Variants in RPE65 observed in about 807,000 individuals in gnomAD.
RPE65 encodes the protein retinoid isomerohydrolase RPE65.
A neutral mutation model predicts 68.5 loss-of-function variants in RPE65; 58 were observed. The observed-to-expected ratio is 0.85, with a 90% CI of 0.69 to 1.05. The LOEUF (loss-of-function observed/expected upper bound fraction) is 1.05. Ranked by LOEUF, RPE65 falls within the 50% of genes least tolerant of loss-of-function variation. The probability of loss-of-function intolerance (pLI) is 0.00; values close to 1 mark genes in which losing one functional copy is unlikely to be tolerated. For missense variants in RPE65, 643 were observed against 629.9 expected, an observed-to-expected ratio of 1.02 and a Z score of -0.22; for synonymous variants, 220 against 222.2, an observed-to-expected ratio of 0.99 and a Z score of 0.09.
At chr1:68,444,446 C>T (rs2100827225) in intron 5 of RPE65, 85 bp downstream of exon 5, 2 of 1,525,664 alleles carry the variant, frequency 1.3e-6, no homozygotes, top group South Asian at 1.1e-5. Flanking sequence ...TAGAATCATA[C>T]ATTCGCAGCA....
chr1:68,448,571 A>G (rs1645958850), intron 2 of RPE65, 53 bp downstream of exon 2: 4 of 1,533,148 alleles, frequency 2.6e-6, no homozygotes, highest in Admixed American at 1.7e-5. Flanking sequence ...ATAGGAAGCC[A>G]GAGAAGAGAG....
intron 5 of RPE65, 142 bp downstream of exon 5, chr1:68,444,389 A>T: frequency 9.6e-7 from 1 of 1,040,136 alleles, no homozygotes; most frequent in Non-Finnish European, 1.5e-6. Context: ...CAATCAGTGC[A>T]GTCCATTTGG....
intron 10 of RPE65, among the ~76,000 whole-genome samples, chr1:68,433,503 T>C (rs761693617): frequency 5.3e-5 from 8 of 152,166 alleles, no homozygotes; most frequent in Non-Finnish European, 1.2e-4. Flanking sequence ...GGCAAGTCTA[T>C]GGTTCCTTTC....
At chr1:68,443,906 C>T (rs537681592) in intron 5 of RPE65, among the ~76,000 whole-genome samples, 98 of 152,254 alleles carry the variant, frequency 6.4e-4, no homozygotes, top group African/African-American at 2.3e-3. Context: ...TTGTTCTATG[C>T]TATTTCATTC....
At chr1:68,439,684 A>ATT in intron 6 of RPE65, 42 bp from the exon 7 acceptor site, 24 of 1,287,908 alleles carry the variant, frequency 1.9e-5, no homozygotes, top group African/African-American at 6.1e-5. Context: ...AGAGCCTCTT[A>ATT]TTTTTTTTTT....
At chr1:68,436,613 C>A (rs969283764) in intron 10 of RPE65, among the ~76,000 whole-genome samples, 28 of 152,036 alleles carry the variant, frequency 1.8e-4, no homozygotes, top group Non-Finnish European at 1.9e-4. Flanking sequence ...GGATTACAGG[C>A]ATGCACCACC....
In RPE65 at chr1:68,429,052, T is replaced by C. The variant is rs200505356; in HGVS notation, c.*724A>G. Reference sequence around the variant, plus strand: ...TACATTTTTAAGCATTTTATGCTGTTTTTTTAAATATAGTCACTACTATAT... The same window carrying C: ...TACATTTTTAAGCATTTTATGCTGTCTTTTTAAATATAGTCACTACTATAT... On this transcript the variant is annotated 3_prime_UTR_variant, in exon 14 of 14. Transcript: ENST00000262340. 5 of 144,242 alleles carry C rather than the reference T, an allele frequency of 3.5e-5. No individual in the cohort carries two copies. The highest frequency in any genetic ancestry group is 6.1e-5 in the Non-Finnish European group (4 of 65,946). The allele number at this position is 144,242 out of a possible 1,614,324, so 8.9% of individuals were successfully genotyped here. A position where few individuals can be genotyped will look rare whatever the true frequency, so the allele number is the denominator to read the frequency against.
At position 68,431,158 on chromosome 1, in the gene RPE65, T is replaced by C. The variant is rs143435745; in HGVS notation, c.1357A>G (p.Lys453Glu). 5 of 1,613,692 alleles carry C rather than the reference T, an allele frequency of 3.1e-6. No homozygotes were observed. The African/African-American group carries it at 6.7e-5, about 22-fold the overall frequency. ...TGCCAAACCCAAGTTTCTTTAGTTTTGACATTCAGCTTACAGAGCTGTTTG... is the reference window on the plus strand; with the variant it reads ...TGCCAAACCCAAGTTTCTTTAGTTTCGACATTCAGCTTACAGAGCTGTTTG... ...VPDRLCKLNV[K>E]TKETWVWQEP... Residue 453 changes from lysine (K) to glutamate (E), a missense_variant, in exon 13 of 14, where the codon AAA (lysine) becomes GAA (glutamate). By Grantham distance (56) the Lys-to-Glu change is moderately conservative. Coordinates refer to ENST00000262340, the MANE Select transcript of RPE65 (RefSeq NM_000329.3).
intron 13 of RPE65, among the ~76,000 whole-genome samples, chr1:68,430,440 A>T (rs1183591211): frequency 6.6e-6 from 1 of 152,244 alleles, no homozygotes; most frequent in African/African-American, 2.4e-5. Context: ...TCGACTGGAT[A>T]TATAAAATCA....
chr1:68,446,612 G>A, intron 3 of RPE65, 98 bp downstream of exon 3: 1 of 1,431,148 alleles, frequency 7.0e-7, no homozygotes. Context: ...TGGGTATATA[G>A]GTTGCCTCCT....
At position 68,442,519 on chromosome 1, in the gene RPE65, T is replaced by A. The variant is rs74081933; in HGVS notation, c.496-1519A>T. Among the ~76,000 whole-genome samples, 1,246 of 152,302 alleles carry A rather than the reference T, an allele frequency of 8.2e-3. 12 individuals carry two copies. The highest frequency in any genetic ancestry group is 0.028 in the African/African-American group (1,165 of 41,562). ...GAGTAATACTTTCATATTTATATTT[T>A]AAAAAATTGCTACTGCTGCCTTAAA... is the stretch of plus-strand genomic sequence containing the variant. On this transcript the variant is annotated intron_variant, in intron 5 of 13. Transcript: ENST00000262340.
At chr1:68,439,515 T>C (rs748206052) in intron 7 of RPE65, 46 bp downstream of exon 7, 1 of 1,601,256 alleles carries the variant, frequency 6.2e-7, no homozygotes, top group Non-Finnish European at 8.6e-7. Context: ...AAGCAAATCT[T>C]TAAACTTGAG....
chr1:68,449,803 T>TCTCTGTTTAGGA lies in RPE65; in HGVS notation c.11+91_11+92insTCCTAAACAGAG, dbSNP rs1645970114. On this transcript the variant is annotated intron_variant, in intron 1 of 13. Coordinates refer to ENST00000262340, the MANE Select transcript of RPE65 (RefSeq NM_000329.3). ...CAAGGGTCTTTCCTAAACAGGTCAT[T>TCTCTGTTTAGGA]AATCAATGCCTTCTCTTCAGGAGCC... 4 of 1,448,848 alleles carry TCTCTGTTTAGGA rather than the reference T, an allele frequency of 2.8e-6. No individual in the cohort carries two copies. The Admixed American group carries it at 6.7e-5, about 24-fold the overall frequency. The allele number at this position is 1,448,848 out of a possible 1,614,324, so 89.7% of individuals were successfully genotyped here. A position where few individuals can be genotyped will look rare whatever the true frequency, so the allele number is the denominator to read the frequency against.
At chr1:68,434,931 C>A (rs1384698606) in intron 10 of RPE65, among the ~76,000 whole-genome samples, 2 of 152,062 alleles carry the variant, frequency 1.3e-5, no homozygotes, top group Admixed American at 6.6e-5. Context: ...CTCTTCATTG[C>A]CAAACTTTTA....
chr1:68,440,948 A>T lies in RPE65; in HGVS notation c.548T>A (p.Ile183Asn). The part of the protein sequence containing the change: ...SVNGATAHPH[I>N]ENDGTVYNIG... ...ATTGTAAACGGTTCCATCATTTTCA[A>T]TGTGGGGGTGAGCAGTGGCCCCATT... is the stretch of plus-strand genomic sequence containing the variant. Residue 183 changes from isoleucine (I) to asparagine (N), a missense_variant, in exon 6 of 14, where the codon ATT (isoleucine) becomes AAT (asparagine). Transcript: ENST00000262340. 1 of 1,614,034 alleles carries T rather than the reference A, an allele frequency of 6.2e-7. No homozygotes were observed. Among genetic ancestry groups the T allele is most frequent in the Non-Finnish European group, 8.5e-7 (1 of 1,179,938 alleles).
intron 5 of RPE65, among the ~76,000 whole-genome samples, chr1:68,442,272 G>A (rs1645909269): frequency 6.6e-6 from 1 of 152,224 alleles, no homozygotes; most frequent in Non-Finnish European, 1.5e-5. Context: ...TTTGAAAGGT[G>A]CGTGGAGTTA....
intron 4 of RPE65, 41 bp downstream of exon 4, chr1:68,444,735 T>A (rs748803591): frequency 6.2e-7 from 1 of 1,613,914 alleles, no homozygotes; most frequent in Non-Finnish European, 8.5e-7. Flanking sequence ...AAAGGGCTAA[T>A]ATAAAATGTC....
chr1:68,449,767 C>T (rs1645969779), intron 1 of RPE65, 128 bp downstream of exon 1: 2 of 1,119,542 alleles, frequency 1.8e-6, no homozygotes, highest in Non-Finnish European at 1.3e-6. Context: ...AAAAATTTCC[C>T]CACCAAAATT....
rs3125902 is a variant in RPE65 at position 68,438,583 on chromosome 1, T to C, written c.999-267A>G. Among the ~76,000 whole-genome samples the C allele has an allele frequency of 0.54, 82,175 of 151,918 alleles. 24,843 individuals are homozygous for C. Among genetic ancestry groups the C allele is most frequent in the East Asian group, 0.88 (4,532 of 5,138 alleles). ...TCACCATTCTGTTTGTGTCCTTAGG[T>C]GCTGTTGTCTTCTTAGTGATTTGGC... On this transcript the variant is annotated intron_variant, in intron 9 of 13. Transcript: ENST00000262340.
Sources: allele counts gnomAD v4.1 joint callset (sites outside exome capture counted in the v4.1 genomes callset), GRCh38; gene constraint gnomAD v4.1.1; transcripts MANE v1.5; gene names NCBI Gene and HGNC (gene_info 2026-07-23, HGNC 2026-07-21).